Variants in KIN observed in about 807,000 individuals in gnomAD.
KIN encodes Kin17 DNA and RNA binding protein, also known as DNA/RNA-binding protein KIN17.
In KIN, 47 loss-of-function variants were observed where a neutral mutation model predicts 63.0. That is an observed-to-expected ratio of 0.75 (90% CI 0.59 to 0.95). The LOEUF is 0.95. KIN is among the 40% of genes least tolerant of loss of function. The pLI is 0.00. For synonymous variants in KIN, 160 were observed against 157.7 expected, an observed-to-expected ratio of 1.01 and a Z score of -0.11; for missense variants, 408 against 460.9, an observed-to-expected ratio of 0.89 and a Z score of 1.05.
At chr10:7,760,736 T>G (rs1324563573) in intron 11 of KIN, among the ~76,000 whole-genome samples, 1 of 152,230 alleles carries the variant, frequency 6.6e-6, no homozygotes, top group Non-Finnish European at 1.5e-5. Context: ...ATTCATAAGT[T>G]AAACTTTATT....
intron 1 of KIN, among the ~76,000 whole-genome samples, chr10:7,787,244 C>A (rs950486418): frequency 2.0e-5 from 3 of 152,216 alleles, no homozygotes; most frequent in Non-Finnish European, 4.4e-5. Flanking sequence ...CAAGACCACA[C>A]GGTTGGTAAG....
chr10:7,753,855 G>T lies in KIN; in HGVS notation c.*2225C>A. 1 of 280,252 alleles carries T rather than the reference G, an allele frequency of 3.6e-6. No individual in the cohort carries two copies. The highest frequency in any genetic ancestry group is 7.3e-6 in the Non-Finnish European group (1 of 137,080). 17.4% of individuals were successfully genotyped at this position (280,252 alleles called of 1,614,324 possible). On this transcript the variant is annotated 3_prime_UTR_variant, in exon 13 of 13. Transcript: ENST00000379562. Reference sequence around the variant, plus strand: ...TTTCTTTACTGCCTCTTACATTTCTGCTAACAGCATACGTTCTCCCATCTT... The same window carrying T: ...TTTCTTTACTGCCTCTTACATTTCTTCTAACAGCATACGTTCTCCCATCTT...
intron 7 of KIN, among the ~76,000 whole-genome samples, chr10:7,770,515 T>C (rs1487858279): frequency 6.6e-6 from 1 of 152,240 alleles, no homozygotes; most frequent in Non-Finnish European, 1.5e-5. Flanking sequence ...CAGTACCTTG[T>C]GGCATGCATC....
rs532559009 is a variant in KIN, at chr10:7,751,904, G to T, written c.*4176C>A. The T allele has an allele frequency of 8.9e-4, 3 of 3,354 alleles. 1 individual carries two copies. The highest frequency in any genetic ancestry group is 1.9e-3 in the African/African-American group (1 of 534). The allele number at this position is 3,354 out of a possible 1,614,324, so 0.2% of individuals were successfully genotyped here. A position where few individuals can be genotyped will look rare whatever the true frequency, so the allele number is the denominator to read the frequency against. ...CAAAAAATTAGCCGGGCGCGGTGGC[G>T]GGCGCCTGTAGTCCCAGCTACTCGG... On this transcript the variant is annotated 3_prime_UTR_variant, in exon 13 of 13. Coordinates refer to ENST00000379562, the MANE Select transcript of KIN (RefSeq NM_012311.4).
At position 7,779,220 on chromosome 10, in the gene KIN, C is replaced by T. The variant is rs186845890; in HGVS notation, c.377-201G>A. Among the ~76,000 whole-genome samples the T allele has an allele frequency of 1.2e-3, 177 of 152,200 alleles. 1 individual carries two copies. The highest frequency in any genetic ancestry group is 6.6e-3 in the East Asian group (34 of 5,174). Reference sequence around the variant, plus strand: ...GTCAGGAGCTCAAGACCAGCCTGGCCAACATGGTGAATCCCATCTCTACTA... The same window carrying T: ...GTCAGGAGCTCAAGACCAGCCTGGCTAACATGGTGAATCCCATCTCTACTA... On this transcript the variant is annotated intron_variant, in intron 4 of 12. Transcript: ENST00000379562.
Position 7,755,346 on chromosome 10 carries a change from A to G in KIN, c.*734T>C, listed in dbSNP as rs1278946882. 2.0e-5 allele frequency: 3 copies of G among 152,254 alleles called. No homozygotes were observed. Among genetic ancestry groups the G allele is most frequent in the African/African-American group, 7.2e-5 (3 of 41,464 alleles). 9.4% of individuals were successfully genotyped at this position (152,254 alleles called of 1,614,324 possible). A position where few individuals can be genotyped will look rare whatever the true frequency, so the allele number is the denominator to read the frequency against. On this transcript the variant is annotated 3_prime_UTR_variant, in exon 13 of 13. Coordinates refer to ENST00000379562, the MANE Select transcript of KIN (RefSeq NM_012311.4). ...ATGAAGCACGCCTACATGCTACTGCATGGATAAACCTTGAAAACATGATGC... is the reference window on the plus strand; with the variant it reads ...ATGAAGCACGCCTACATGCTACTGCGTGGATAAACCTTGAAAACATGATGC...
intron 8 of KIN, among the ~76,000 whole-genome samples, chr10:7,767,704 A>C (rs1397164851): frequency 6.6e-6 from 1 of 151,902 alleles, no homozygotes; most frequent in East Asian, 1.9e-4. Flanking sequence ...CTAAAAATAT[A>C]AAAAATTAGC....
chr10:7,752,829 G>A lies in KIN; in HGVS notation c.*3251C>T, dbSNP rs1835263697. 6.6e-6 allele frequency: 1 copy of A among 152,112 alleles called. No homozygotes were observed. The highest frequency in any genetic ancestry group is 2.4e-5 in the African/African-American group (1 of 41,396). The allele number at this position is 152,112 out of a possible 1,614,324, so 9.4% of individuals were successfully genotyped here. On this transcript the variant is annotated 3_prime_UTR_variant, in exon 13 of 13. Transcript: ENST00000379562. Reference sequence around the variant, plus strand: ...AGGTGAAAGAAGCCAATCTGAAAAAGCTACACCCTGTGTGACTCCAACTAT... The same window carrying A: ...AGGTGAAAGAAGCCAATCTGAAAAAACTACACCCTGTGTGACTCCAACTAT...
intron 6 of KIN, among the ~76,000 whole-genome samples, chr10:7,775,329 C>T (rs1432130293): frequency 6.6e-6 from 1 of 152,278 alleles, no homozygotes; most frequent in Non-Finnish European, 1.5e-5. Context: ...GAAAGGAAAT[C>T]TATTGAAGGG....
chr10:7,759,776 A>T (rs1835402172), intron 12 of KIN, 114 bp downstream of exon 12: 2 of 604,394 alleles, frequency 3.3e-6, no homozygotes, highest in African/African-American at 3.8e-5. Flanking sequence ...TCCAAATAGG[A>T]TAGAAGGCTA....
intron 7 of KIN, among the ~76,000 whole-genome samples, chr10:7,772,015 T>A (rs539832881): frequency 6.6e-6 from 1 of 151,710 alleles, no homozygotes; most frequent in East Asian, 1.9e-4. Context: ...CTCAGGGTGA[T>A]GTAAAGGGCA....
chr10:7,762,302 G>A (rs1282107806), intron 11 of KIN, among the ~76,000 whole-genome samples, 155 bp downstream of exon 11: 1 of 151,674 alleles, frequency 6.6e-6, no homozygotes, highest in Non-Finnish European at 1.5e-5. Context: ...AAACTACGAT[G>A]CCCTTGAATC....
intron 4 of KIN, 96 bp from the exon 5 acceptor site, chr10:7,779,115 C>G: frequency 2.1e-6 from 3 of 1,439,506 alleles, no homozygotes; most frequent in Non-Finnish European, 2.8e-6. Flanking sequence ...CATTCAAACA[C>G]ACACAAATCA....
At chr10:7,778,050 A>T (rs1835816917) in intron 5 of KIN, among the ~76,000 whole-genome samples, 1 of 152,154 alleles carries the variant, frequency 6.6e-6, no homozygotes, top group African/African-American at 2.4e-5. Context: ...TTATTCTAAC[A>T]CCTCAGCTCC....
At chr10:7,758,842 G>A (rs1245274947) in intron 12 of KIN, among the ~76,000 whole-genome samples, 1 of 151,980 alleles carries the variant, frequency 6.6e-6, no homozygotes, top group East Asian at 1.9e-4. Flanking sequence ...TCAATGCCAA[G>A]TAGGAGTCCT....
chr10:7,760,049 C>T lies in KIN; in HGVS notation c.1019-59G>A, dbSNP rs1008774068. 6 of 798,292 alleles carry T rather than the reference C, an allele frequency of 7.5e-6. No individual in the cohort carries two copies. The African/African-American group carries it at 1.1e-4, about 14-fold the overall frequency. 49.5% of individuals were successfully genotyped at this position (798,292 alleles called of 1,614,324 possible). A position where few individuals can be genotyped will look rare whatever the true frequency, so the allele number is the denominator to read the frequency against. On this transcript the variant is annotated intron_variant, in intron 11 of 12. Transcript: ENST00000379562. Reference sequence around the variant, plus strand: ...AGAAATATCTCCACTTTTCTTCTAACTTGTTACAGCAAAATGTACTACACT... The same window carrying T: ...AGAAATATCTCCACTTTTCTTCTAATTTGTTACAGCAAAATGTACTACACT...
rs536629931 is a variant in KIN, at chr10:7,781,112, G to A, written c.210-805C>T. Reference sequence around the variant, plus strand: ...TCTAGCATAACCAATCATAACAAAAGTTAAACTGAAGAAGAAGTGTAACAA... The same window carrying A: ...TCTAGCATAACCAATCATAACAAAAATTAAACTGAAGAAGAAGTGTAACAA... On this transcript the variant is annotated intron_variant, in intron 2 of 12. Transcript: ENST00000379562. 1.6e-3 allele frequency among the ~76,000 whole-genome samples: 241 copies of A among 152,260 alleles called. 1 individual carries two copies. The highest frequency in any genetic ancestry group is 2.8e-3 in the Non-Finnish European group (188 of 68,016).
chr10:7,779,086 TC>T (rs1415760458), intron 4 of KIN, 67 bp from the exon 5 acceptor site: 1 of 1,532,228 alleles, frequency 6.5e-7, no homozygotes, highest in Non-Finnish European at 8.9e-7. Flanking sequence ...TGAATGTGTT[TC>T]ACCTCTGCAT....
chr10:7,781,043 G>A (rs980748313), intron 2 of KIN, among the ~76,000 whole-genome samples: 12 of 152,178 alleles, frequency 7.9e-5, no homozygotes, highest in Non-Finnish European at 1.8e-4. Context: ...CTAGATAAAC[G>A]TGGGTGAATA....
Sources: allele counts gnomAD v4.1 joint callset (sites outside exome capture counted in the v4.1 genomes callset), GRCh38; gene constraint gnomAD v4.1.1; transcripts MANE v1.5; gene names NCBI Gene and HGNC (gene_info 2026-07-23, HGNC 2026-07-21).